TIFA: variants seen among roughly 807,000 people sequenced by gnomAD.
TIFA encodes the protein TRAF-interacting protein with FHA domain-containing protein A.
For synonymous variants in TIFA, 75 were observed against 79.2 expected, an observed-to-expected ratio of 0.95 and a Z score of 0.28; for missense variants, 186 against 215.2, an observed-to-expected ratio of 0.86 and a Z score of 0.85.
At chr4:112,279,514 A>C (rs926701936) in intron 1 of TIFA, among the ~76,000 whole-genome samples, 1 of 152,162 alleles carries the variant, frequency 6.6e-6, no homozygotes, top group African/African-American at 2.4e-5. Flanking sequence ...TGTAAAAGCT[A>C]CTTTTATCCT....
rs1727080113 is a variant in TIFA at position 112,274,960 on chromosome 4, CCT to C, written c.*2900_*2901del. On this transcript the variant is annotated 3_prime_UTR_variant, in exon 2 of 2. Coordinates refer to ENST00000361717, the MANE Select transcript of TIFA (RefSeq NM_052864.3). ...TTCTAACACTGGCACCATTAATACA[CCT>C]CTCTACCTAAGGAGCCCCAGAAAAA... The C allele has an allele frequency of 6.6e-6, 1 of 152,110 alleles. No homozygotes were observed. The allele number at this position is 152,110 out of a possible 1,614,324, so 9.4% of individuals were successfully genotyped here. A position where few individuals can be genotyped will look rare whatever the true frequency, so the allele number is the denominator to read the frequency against.
chr4:112,278,480 C>T (rs922749545), intron 1 of TIFA, 46 bp from the exon 2 acceptor site: 9 of 1,473,622 alleles, frequency 6.1e-6, no homozygotes, highest in Non-Finnish European at 6.3e-6. Flanking sequence ...ATGCTTGAGG[C>T]ATTGAGAACT....
At chr4:112,278,556 C>T in intron 1 of TIFA, 122 bp from the exon 2 acceptor site, 1 of 737,968 alleles carries the variant, frequency 1.4e-6, no homozygotes, top group Non-Finnish European at 2.1e-6. Flanking sequence ...GAAAACAGTA[C>T]ATAGACAATA....
At position 112,277,902 on chromosome 4, in the gene TIFA, T is replaced by C; in HGVS notation, c.515A>G (p.Gln172Arg). 1 of 1,607,556 alleles carries C rather than the reference T, an allele frequency of 6.2e-7. No homozygotes were observed. Among genetic ancestry groups the C allele is most frequent in the African/African-American group, 1.3e-5 (1 of 74,514 alleles). Residue 172 changes from glutamine (Q) to arginine (R), a missense_variant, in exon 2 of 2, where the codon CAA becomes CGA. Physicochemically the swap from Gln to Arg is conservative, Grantham distance 43 (BLOSUM62 1). Coordinates refer to ENST00000361717, the MANE Select transcript of TIFA (RefSeq NM_052864.3). ...EYGTYSLCSS[Q>R]SSSPTEMDEN... Reference sequence around the variant, plus strand: ...ATCCATTTCTGTCGGAGAACTGCTTTGGGAGGAGCAGAGCGAATAAGTGCC... The same window carrying C: ...ATCCATTTCTGTCGGAGAACTGCTTCGGGAGGAGCAGAGCGAATAAGTGCC...
chr4:112,281,099 C>A (rs2110506660), intron 1 of TIFA, among the ~76,000 whole-genome samples: 1 of 152,274 alleles, frequency 6.6e-6, no homozygotes, highest in Non-Finnish European at 1.5e-5. Flanking sequence ...TAGCAGTCGA[C>A]AAGAAAAGCA....
chr4:112,281,168 T>C (rs554535346), intron 1 of TIFA, among the ~76,000 whole-genome samples: 7 of 152,232 alleles, frequency 4.6e-5, no homozygotes, highest in Non-Finnish European at 8.8e-5. Context: ...ATCTCCAGCT[T>C]TATTTACAAT....
Position 112,276,364 on chromosome 4 carries a change from C to G in TIFA, c.*1498G>C, listed in dbSNP as rs932563171. ...CTGCCTCTCTTCCACTTTTACGGAT[C>G]CGGTGATCAATTGGGCACACCCAGA... On this transcript the variant is annotated 3_prime_UTR_variant, in exon 2 of 2. Transcript: ENST00000361717. The G allele has an allele frequency of 6.5e-6, 1 of 153,294 alleles. No individual in the cohort carries two copies. The highest frequency in any genetic ancestry group is 1.5e-5 in the Non-Finnish European group (1 of 68,064). The allele number at this position is 153,294 out of a possible 1,614,324, so 9.5% of individuals were successfully genotyped here. A position where few individuals can be genotyped will look rare whatever the true frequency, so the allele number is the denominator to read the frequency against.
At position 112,277,687 on chromosome 4, in the gene TIFA, G is replaced by GGTCGCCGTAGC; in HGVS notation, c.*174_*175insGCTACGGCGAC. 6.8e-6 allele frequency: 3 copies of GGTCGCCGTAGC among 441,778 alleles called. No homozygotes were observed. Among genetic ancestry groups the GGTCGCCGTAGC allele is most frequent in the South Asian group, 6.7e-5 (1 of 14,882 alleles). The allele number at this position is 441,778 out of a possible 1,614,324, so 27.4% of individuals were successfully genotyped here. On this transcript the variant is annotated 3_prime_UTR_variant, in exon 2 of 2. Coordinates refer to ENST00000361717, the MANE Select transcript of TIFA (RefSeq NM_052864.3). ...TGTGTAGATCCAGAATACAACAGGT[G>GGTCGCCGTAGC]ACTAAGTTAATGACTAACACAATTT...
At chr4:112,284,185 G>A (rs563285830) in intron 1 of TIFA, among the ~76,000 whole-genome samples, 7 of 152,014 alleles carry the variant, frequency 4.6e-5, no homozygotes, top group Non-Finnish European at 8.8e-5. Flanking sequence ...GAGTTAGATC[G>A]AGGGCAAGGC....
rs536649453 is a variant in TIFA at position 112,277,766 on chromosome 4, C to T, written c.*96G>A. On this transcript the variant is annotated 3_prime_UTR_variant, in exon 2 of 2. Transcript: ENST00000361717. ...CCAAATTTCACAGCATAACAGATGA[C>T]TATAATATACTACCCTAATCAACTC... 4.1e-4 allele frequency: 505 copies of T among 1,244,940 alleles called. 2 individuals carry two copies. In the South Asian group the frequency reaches 4.1e-3, roughly 10 times the overall value. The allele number at this position is 1,244,940 out of a possible 1,614,324, so 77.1% of individuals were successfully genotyped here.
In TIFA at chr4:112,278,266, G is replaced by A. The variant is rs200608467; in HGVS notation, c.151C>T (p.Arg51Ter). 7 of 1,614,022 alleles carry A rather than the reference G, an allele frequency of 4.3e-6. No individual in the cohort carries two copies. The highest frequency in any genetic ancestry group is 2.2e-5 in the East Asian group (1 of 44,880). ...LPSSEVVKFG[R>*]NSNICHYTFQ... is the part of the protein sequence containing the mutation. ...GTATAATGACAGATGTTGGAATTTCGGCCAAATTTCACCACTTCGCTGGAA... is the reference window on the plus strand; with the variant it reads ...GTATAATGACAGATGTTGGAATTTCAGCCAAATTTCACCACTTCGCTGGAA... The change falls in exon 2 of 2, where the codon CGA (arginine) becomes TGA (stop). Residue 51 changes from arginine (R) to a stop codon, truncating the protein, a stop_gained. Coordinates refer to ENST00000361717, the MANE Select transcript of TIFA (RefSeq NM_052864.3). LOFTEE classifies it low-confidence loss of function (END_TRUNC).
At chr4:112,282,153 AG>A (rs1428861315) in intron 1 of TIFA, among the ~76,000 whole-genome samples, 1 of 152,170 alleles carries the variant, frequency 6.6e-6, no homozygotes, top group Non-Finnish European at 1.5e-5. Flanking sequence ...TTCCATGCAC[AG>A]GCTCTCTCTT....
In TIFA at chr4:112,276,887, T is replaced by G. The variant is rs1436760439; in HGVS notation, c.*975A>C. The G allele has an allele frequency of 6.6e-6, 1 of 152,204 alleles. No homozygotes were observed. The highest frequency in any genetic ancestry group is 2.4e-5 in the African/African-American group (1 of 41,456). The allele number at this position is 152,204 out of a possible 1,614,324, so 9.4% of individuals were successfully genotyped here. On this transcript the variant is annotated 3_prime_UTR_variant, in exon 2 of 2. Transcript: ENST00000361717. Reference sequence around the variant, plus strand: ...GGTTACCTCATCTACTTAACATTCATAGCTACCTTAGTTAAGATAAGTCGA... The same window carrying G: ...GGTTACCTCATCTACTTAACATTCAGAGCTACCTTAGTTAAGATAAGTCGA...
chr4:112,282,057 T>C (rs540049614), intron 1 of TIFA, among the ~76,000 whole-genome samples: 7 of 152,308 alleles, frequency 4.6e-5, no homozygotes, highest in South Asian at 2.1e-4. Flanking sequence ...TAGGAGGTAA[T>C]TGAATCATGG....
At chr4:112,283,765 A>G (rs781062332) in intron 1 of TIFA, among the ~76,000 whole-genome samples, 2 of 151,932 alleles carry the variant, frequency 1.3e-5, no homozygotes, top group African/African-American at 2.4e-5. Context: ...TAGGAAGGAG[A>G]CTTACTCTCC....
At chr4:112,280,154 G>A (rs1340042201) in intron 1 of TIFA, among the ~76,000 whole-genome samples, 2 of 152,028 alleles carry the variant, frequency 1.3e-5, no homozygotes, top group Non-Finnish European at 2.9e-5. Context: ...TGCAGCTACC[G>A]GACACTGTCT....
intron 1 of TIFA, 120 bp from the exon 2 acceptor site, chr4:112,278,554 T>A: frequency 1.3e-6 from 1 of 749,508 alleles, no homozygotes; most frequent in Non-Finnish European, 2.0e-6. Context: ...AAGAAAACAG[T>A]ACATAGACAA....
chr4:112,285,289 G>A (rs970639920), intron 1 of TIFA, among the ~76,000 whole-genome samples: 1 of 151,542 alleles, frequency 6.6e-6, no homozygotes, highest in Admixed American at 6.6e-5. Context: ...GGGGGAGGGG[G>A]GTCACGCACA....
At position 112,278,035 on chromosome 4, in the gene TIFA, T is replaced by C. The variant is rs994473821; in HGVS notation, c.382A>G (p.Lys128Glu). 18 of 1,614,042 alleles carry C rather than the reference T, an allele frequency of 1.1e-5. No homozygotes were observed. The highest frequency in any genetic ancestry group is 1.5e-5 in the Non-Finnish European group (18 of 1,179,996). The change falls in exon 2 of 2, where the codon AAG (lysine) becomes GAG (glutamate). Residue 128 changes from lysine (K) to glutamate (E), a missense_variant. Lys to Glu is a moderately conservative substitution (Grantham distance 56, BLOSUM62 1). Transcript: ENST00000361717. Reference sequence around the variant, plus strand: ...AATTCCAATGACTCGCCATCTTCCTTCTCCATCAGAAACTGATACTCTCCG... The same window carrying C: ...AATTCCAATGACTCGCCATCTTCCTCCTCCATCAGAAACTGATACTCTCCG... ...RFGEYQFLME[K>E]EDGESLEFFE...
Sources: gnomAD v4.1 joint callset for allele counts (sites outside exome capture counted in the v4.1 genomes callset) on GRCh38, gnomAD v4.1.1 for gene constraint, MANE v1.5 for transcripts, NCBI Gene and HGNC (gene_info 2026-07-23, HGNC 2026-07-21) for gene names.